The following BRD9 variants were observed in gnomAD, a reference collection of about 807,000 sequenced individuals.
The protein encoded by BRD9 is bromodomain-containing protein 9.
In BRD9, 47 loss-of-function variants were observed where a neutral mutation model predicts 68.7. The observed-to-expected ratio is 0.68, with a 90% CI of 0.54 to 0.87. The LOEUF (loss-of-function observed/expected upper bound fraction) is 0.87, where lower values mean the gene tolerates loss of function less well. BRD9 is among the 40% of genes least tolerant of loss of function. The pLI is 0.00. For synonymous variants in BRD9, 313 were observed against 293.9 expected, an observed-to-expected ratio of 1.06 and a Z score of -0.67; for missense variants, 670 against 748.4, an observed-to-expected ratio of 0.90 and a Z score of 1.22.
intron 1 of BRD9, chr5:892,075 C>T: frequency 6.0e-6 from 4 of 667,084 alleles, no homozygotes; most frequent in South Asian, 3.9e-5. Flanking sequence ...TTTCGAGCCA[C>T]GGTGTCCTCA....
rs141956909 is a variant in BRD9, at chr5:883,113, C to T, written c.966+825G>A. The T allele has an allele frequency of 1.5e-3, 529 of 361,178 alleles. 2 individuals carry two copies. In the Middle Eastern group the frequency reaches 0.023, roughly 16 times the overall value. 22.4% of individuals were successfully genotyped at this position (361,178 alleles called of 1,614,324 possible). ...AACACGTGAGCCACGCAGACCGCAA[C>T]CTCGCAACACGCAAGCCACACAGAG... On this transcript the variant is annotated intron_variant, in intron 8 of 15. Transcript: ENST00000467963.
At chr5:892,396 C>T (rs1580034925) in intron 1 of BRD9, 4 of 1,190,990 alleles carry the variant, frequency 3.4e-6, no homozygotes, top group Admixed American at 3.4e-5. Context: ...ACCCAGAACC[C>T]TCTACCAGGA....
At chr5:891,884 C>T in intron 1 of BRD9, 30 bp from the exon 2 acceptor site, 1 of 1,549,050 alleles carries the variant, frequency 6.5e-7, no homozygotes. Context: ...GTTCTACCCG[C>T]GTGCTCAGGT....
Position 871,429 on chromosome 5 carries a change from C to T in BRD9, c.1422+97G>A, listed in dbSNP as rs191778886. 2.3e-3 allele frequency: 2,541 copies of T among 1,084,644 alleles called. 11 individuals carry two copies. Among genetic ancestry groups the T allele is most frequent in the Non-Finnish European group, 1.7e-3 (1,216 of 702,706 alleles). 67.2% of individuals were successfully genotyped at this position (1,084,644 alleles called of 1,614,324 possible). A position where few individuals can be genotyped will look rare whatever the true frequency, so the allele number is the denominator to read the frequency against. On this transcript the variant is annotated intron_variant, in intron 13 of 15. Coordinates refer to ENST00000467963, the MANE Select transcript of BRD9 (RefSeq NM_023924.5). Reference sequence around the variant, plus strand: ...ATCAGAAACGGACTCCATTTCTAAACGCCGTCATACACACAGACCTCCCCA... The same window carrying T: ...ATCAGAAACGGACTCCATTTCTAAATGCCGTCATACACACAGACCTCCCCA...
intron 14 of BRD9, chr5:869,501 C>A: frequency 2.7e-6 from 1 of 374,124 alleles, no homozygotes; most frequent in Non-Finnish European, 5.2e-6. Flanking sequence ...TGTAGAGAAT[C>A]TCCTGCCCCT....
rs1319000761 is a variant in BRD9 at position 891,248 on chromosome 5, T to A, written c.307A>T (p.Thr103Ser). The change falls in exon 3 of 16, where the codon ACG (threonine) becomes TCG (serine). Residue 103 changes from threonine (T) to serine (S), a missense_variant. By Grantham distance (58) the Thr-to-Ser change is moderately conservative. Coordinates refer to ENST00000467963, the MANE Select transcript of BRD9 (RefSeq NM_023924.5). The part of the protein sequence containing the change: ...KRKREREHCD[T>S]EGEADDFDPG... ...TCAAAGTCGTCAGCCTCTCCCTCCG[T>A]GTCACAGTGCTCCCTCTCTCGCTTC... The A allele has an allele frequency of 2.6e-6, 4 of 1,551,688 alleles. No individual in the cohort carries two copies. Among genetic ancestry groups the A allele is most frequent in the Middle Eastern group, 1.7e-4 (1 of 6,016 alleles).
At chr5:866,787 G>C (rs2150549191) in intron 14 of BRD9, among the ~76,000 whole-genome samples, 1 of 152,296 alleles carries the variant, frequency 6.6e-6, no homozygotes, top group African/African-American at 2.4e-5. Flanking sequence ...GCTTCTAAAA[G>C]CCTATGCTCA....
At position 889,182 on chromosome 5, in the gene BRD9, C is replaced by A. The variant is rs1352787922; in HGVS notation, c.462-17G>T. The A allele has an allele frequency of 5.6e-6, 9 of 1,600,980 alleles. No individual in the cohort carries two copies. Among genetic ancestry groups the A allele is most frequent in the Non-Finnish European group, 7.6e-6 (9 of 1,176,944 alleles). On this transcript the variant is annotated splice_polypyrimidine_tract_variant and intron_variant, in intron 4 of 15. Transcript: ENST00000467963. ...GGATCTTTTCTGAAAGCAAAGACAT[C>A]TTAAAGCGGAAAAATCTAGATTTCT...
chr5:869,267 T>C, intron 14 of BRD9: 1 of 455,048 alleles, frequency 2.2e-6, no homozygotes, highest in Non-Finnish European at 4.4e-6. Flanking sequence ...TCTTTTGGAA[T>C]TCAGGCACAG....
intron 3 of BRD9, among the ~76,000 whole-genome samples, chr5:890,743 T>C (rs911693253): frequency 1.4e-4 from 21 of 152,204 alleles, no homozygotes; most frequent in African/African-American, 5.1e-4. Flanking sequence ...ACTGTTCCAA[T>C]ACTGTCTTAA....
intron 14 of BRD9, 154 bp from the exon 15 acceptor site, chr5:865,735 C>G: frequency 1.2e-6 from 1 of 806,806 alleles, no homozygotes; most frequent in South Asian, 1.8e-5. Flanking sequence ...GACAGGTGGA[C>G]AGGCCTGGAG....
intron 11 of BRD9, among the ~76,000 whole-genome samples, 200 bp from the exon 12 acceptor site, chr5:876,412 A>G (rs1230118655): frequency 2.6e-5 from 4 of 152,214 alleles, no homozygotes; most frequent in African/African-American, 9.6e-5. Context: ...GGTTAAAAAG[A>G]TCTCAGTGGG....
chr5:875,092 G>A (rs541806506), intron 12 of BRD9, among the ~76,000 whole-genome samples: 1 of 152,318 alleles, frequency 6.6e-6, no homozygotes, highest in South Asian at 2.1e-4. Flanking sequence ...CACTGATAAA[G>A]AAAGATAAAA....
intron 11 of BRD9, among the ~76,000 whole-genome samples, chr5:877,407 G>A (rs1488091785): frequency 6.6e-6 from 1 of 152,102 alleles, no homozygotes; most frequent in Non-Finnish European, 1.5e-5. Flanking sequence ...CAAAAATCAG[G>A]GTCAGGTTTT....
intron 12 of BRD9, among the ~76,000 whole-genome samples, chr5:872,975 G>A (rs1313439064): frequency 6.6e-6 from 1 of 152,128 alleles, no homozygotes; most frequent in Non-Finnish European, 1.5e-5. Context: ...GACCAGCCTG[G>A]CCAACATGGC....
intron 3 of BRD9, 23 bp downstream of exon 3, chr5:891,132 A>G (rs1307334598): frequency 6.5e-7 from 1 of 1,536,286 alleles, no homozygotes; most frequent in Admixed American, 2.0e-5. Context: ...ACACCAGGAG[A>G]GTCTCTAAAA....
Position 884,635 on chromosome 5 carries a change from T to C in BRD9, c.834-565A>G, listed in dbSNP as rs143368309. 1.8e-3 allele frequency among the ~76,000 whole-genome samples: 269 copies of C among 152,348 alleles called. 2 individuals carry two copies. The highest frequency in any genetic ancestry group is 6.2e-3 in the African/African-American group (259 of 41,576). On this transcript the variant is annotated intron_variant, in intron 7 of 15. Coordinates refer to ENST00000467963, the MANE Select transcript of BRD9 (RefSeq NM_023924.5). ...CACAGGCTGTAGCACCCAAGGAGTGTGGAAGGTTCTAGAAGCAAGCGAGTG... is the reference window on the plus strand; with the variant it reads ...CACAGGCTGTAGCACCCAAGGAGTGCGGAAGGTTCTAGAAGCAAGCGAGTG...
intron 12 of BRD9, 32 bp downstream of exon 12, chr5:876,069 T>G: frequency 6.6e-7 from 1 of 1,523,960 alleles, no homozygotes. Context: ...CAAGGGCACC[T>G]GCCCCCCAAC....
intron 11 of BRD9, 114 bp downstream of exon 11, chr5:878,241 G>A (rs1292554161): frequency 7.5e-6 from 11 of 1,463,882 alleles, no homozygotes; most frequent in Non-Finnish European, 1.0e-5. Context: ...CTGCCATATG[G>A]ACGGCTGCAA....
Sources: gnomAD v4.1 joint callset for allele counts (sites outside exome capture counted in the v4.1 genomes callset) on GRCh38, gnomAD v4.1.1 for gene constraint, MANE v1.5 for transcripts, NCBI Gene and HGNC (gene_info 2026-07-23, HGNC 2026-07-21) for gene names.